The following KCNT2 variants were observed in gnomAD, a reference collection of about 807,000 sequenced individuals.
KCNT2 encodes the protein potassium sodium-activated channel subfamily T member 2.
In KCNT2, 67 loss-of-function variants were observed where a neutral mutation model predicts 153.8. The observed-to-expected ratio is 0.44, with a 90% confidence interval of 0.36 to 0.53. The LOEUF is 0.53. Ranked by LOEUF, KCNT2 falls within the 20% of genes least tolerant of loss-of-function variation. KCNT2 has a pLI of 0.00. For synonymous variants in KCNT2, 500 were observed against 458.8 expected (o/e 1.09, Z -1.15); for missense variants, 975 against 1,354.8 (o/e 0.72, Z 4.40).
chr1:196,454,210 ATT>A (rs967453849), intron 8 of KCNT2, among the ~76,000 whole-genome samples: 9 of 151,982 alleles, frequency 5.9e-5, no homozygotes, highest in African/African-American at 2.2e-4. Context: ...CATTAATTTT[ATT>A]TTTTATATAA....
At chr1:196,286,854 C>A (rs1265419605) in intron 22 of KCNT2, among the ~76,000 whole-genome samples, 1 of 151,954 alleles carries the variant, frequency 6.6e-6, no homozygotes, top group Non-Finnish European at 1.5e-5. Flanking sequence ...CAAATGGTAA[C>A]CTCAAAAATT....
intron 1 of KCNT2, among the ~76,000 whole-genome samples, chr1:196,596,056 G>GTATA (rs1174131733): frequency 2.8e-3 from 12 of 4,332 alleles, no homozygotes; most frequent in Admixed American, 4.7e-3. Context: ...TCCATGATGT[G>GTATA]TATATATATA....
In KCNT2 at chr1:196,292,581, C is replaced by T. The variant is rs572040139; in HGVS notation, c.2596-6823G>A. Among the ~76,000 whole-genome samples, 70 of 152,006 alleles carry T rather than the reference C, an allele frequency of 4.6e-4. 1 individual carries two copies. The South Asian group carries it at 0.014, about 31-fold the overall frequency. On this transcript the variant is annotated intron_variant, in intron 22 of 27. Coordinates refer to ENST00000294725, the MANE Select transcript of KCNT2 (RefSeq NM_198503.5). ...CAGCACTTTGGGAGGCCGAGGCGGGCGGATCACAAGGTCAGGAGATCGAGA... is the reference window on the plus strand; with the variant it reads ...CAGCACTTTGGGAGGCCGAGGCGGGTGGATCACAAGGTCAGGAGATCGAGA...
At chr1:196,549,164 A>C (rs1311707319) in intron 1 of KCNT2, among the ~76,000 whole-genome samples, 2 of 151,938 alleles carry the variant, frequency 1.3e-5, no homozygotes, top group Admixed American at 6.6e-5. Context: ...TAAAAAAAAG[A>C]AGTAAATCCA....
intron 21 of KCNT2, among the ~76,000 whole-genome samples, chr1:196,308,992 G>C (rs970916392): frequency 1.3e-5 from 2 of 151,750 alleles, no homozygotes; most frequent in Non-Finnish European, 2.9e-5. Flanking sequence ...TAAGATTCCT[G>C]ACTTTAAACA....
At chr1:196,305,100 T>C in intron 22 of KCNT2, 134 bp downstream of exon 22, 1 of 626,182 alleles carries the variant, frequency 1.6e-6, no homozygotes, top group Non-Finnish European at 2.8e-6. Flanking sequence ...TCAATTAGAA[T>C]TTCATCTCCC....
rs903765393 is a variant in KCNT2, at chr1:196,539,816, T to A, written c.96-47475A>T. ...CTAGCCACTAAACAATAATTAAATA[T>A]AATACATTTAAGTAAAAGTGTATTA... is the stretch of plus-strand genomic sequence containing the variant. On this transcript the variant is annotated intron_variant, in intron 1 of 27. Transcript: ENST00000294725. 4.0e-5 allele frequency among the ~76,000 whole-genome samples: 6 copies of A among 151,796 alleles called. No individual in the cohort carries two copies. The East Asian group carries it at 1.2e-3, about 29-fold the overall frequency.
intron 12 of KCNT2, among the ~76,000 whole-genome samples, chr1:196,418,820 T>C (rs1400524607): frequency 6.6e-6 from 1 of 151,974 alleles, no homozygotes; most frequent in Non-Finnish European, 1.5e-5. Flanking sequence ...CAAGTGAAAA[T>C]AAAAGGGGAG....
At chr1:196,413,564 A>G (rs1672510965) in intron 12 of KCNT2, among the ~76,000 whole-genome samples, 1 of 151,740 alleles carries the variant, frequency 6.6e-6, no homozygotes, top group Non-Finnish European at 1.5e-5. Flanking sequence ...TTACCATCGT[A>G]TAAAAAAAAT....
chr1:196,353,763 A>G (rs1293183194), intron 14 of KCNT2, among the ~76,000 whole-genome samples: 2 of 152,046 alleles, frequency 1.3e-5, no homozygotes, highest in African/African-American at 4.8e-5. Context: ...GCTAATAAGT[A>G]GTTGGATCTG....
At chr1:196,558,262 A>G (rs150076606) in intron 1 of KCNT2, among the ~76,000 whole-genome samples, 2,360 of 151,648 alleles carry the variant, frequency 0.016, 19 homozygotes, top group Middle Eastern at 0.027. Context: ...ATGCACATTC[A>G]AATCATAAAT....
chr1:196,466,947 C>T (rs926937752), intron 7 of KCNT2, among the ~76,000 whole-genome samples: 1 of 151,952 alleles, frequency 6.6e-6, no homozygotes, highest in East Asian at 1.9e-4. Flanking sequence ...AGTTCTCCAT[C>T]TTTTATTCTA....
chr1:196,312,149 C>A (rs1396141776), intron 21 of KCNT2, among the ~76,000 whole-genome samples: 5 of 151,542 alleles, frequency 3.3e-5, no homozygotes, highest in African/African-American at 1.2e-4. Flanking sequence ...AAATAAAAAC[C>A]CTTTTGGGGA....
intron 27 of KCNT2, among the ~76,000 whole-genome samples, chr1:196,233,857 A>G (rs575253407): frequency 6.6e-6 from 1 of 151,536 alleles, no homozygotes; most frequent in East Asian, 1.9e-4. Context: ...AAAATAATTG[A>G]TCTCATGGAG....
At chr1:196,378,958 C>T (rs1669220652) in intron 13 of KCNT2, among the ~76,000 whole-genome samples, 1 of 150,838 alleles carries the variant, frequency 6.6e-6, no homozygotes, top group Non-Finnish European at 1.5e-5. Flanking sequence ...TTCCCCCCAC[C>T]CCACTTTCAT....
At chr1:196,583,467 C>T (rs1298542251) in intron 1 of KCNT2, among the ~76,000 whole-genome samples, 1 of 151,908 alleles carries the variant, frequency 6.6e-6, no homozygotes, top group Admixed American at 6.6e-5. Flanking sequence ...AGAAGTAAGA[C>T]AAATATCATG....
chr1:196,492,751 G>T (rs1287990039), intron 1 of KCNT2, among the ~76,000 whole-genome samples: 3 of 152,064 alleles, frequency 2.0e-5, no homozygotes, highest in Non-Finnish European at 2.9e-5. Context: ...ATTAACTGAC[G>T]TTTGAAAAAT....
chr1:196,547,177 T>G (rs765961299), intron 1 of KCNT2, among the ~76,000 whole-genome samples: 1 of 151,980 alleles, frequency 6.6e-6, no homozygotes, highest in African/African-American at 2.4e-5. Flanking sequence ...AATTAAATAT[T>G]TGAATTTAAG....
chr1:196,549,332 A>G (rs934596363), intron 1 of KCNT2, among the ~76,000 whole-genome samples: 7 of 151,944 alleles, frequency 4.6e-5, no homozygotes, highest in Admixed American at 6.6e-5. Flanking sequence ...GGGAAAAGTA[A>G]CACAGAATTA....
Sources: gnomAD v4.1 joint callset for allele counts (sites outside exome capture counted in the v4.1 genomes callset) on GRCh38, gnomAD v4.1.1 for gene constraint, MANE v1.5 for transcripts, NCBI Gene and HGNC (gene_info 2026-07-23, HGNC 2026-07-21) for gene names.